The following MOV10L1 variants were observed in gnomAD, a reference collection of about 807,000 sequenced individuals.
The protein encoded by MOV10L1 is RNA helicase Mov10l1.
A neutral mutation model predicts 143.8 loss-of-function variants in MOV10L1; 110 were observed. The observed-to-expected ratio is 0.76, with a 90% CI of 0.66 to 0.90. The LOEUF is 0.90. Among genes scored for constraint, MOV10L1 ranks in the 40% least tolerant of loss-of-function variants. MOV10L1 has a pLI of 0.00. For missense variants in MOV10L1, 1,406 were observed against 1,526.8 expected, an observed-to-expected ratio of 0.92 and a Z score of 1.32; for synonymous variants, 593 against 581.1, an observed-to-expected ratio of 1.02 and a Z score of -0.29.
At chr22:50,123,832 T>C (rs145949525) in intron 10 of MOV10L1, among the ~76,000 whole-genome samples, 13 of 152,348 alleles carry the variant, frequency 8.5e-5, no homozygotes, top group African/African-American at 2.9e-4. Flanking sequence ...ACCTCCTTAG[T>C]AGTAATTGGT....
intron 17 of MOV10L1, 66 bp downstream of exon 17, chr22:50,143,287 A>G: frequency 1.3e-6 from 2 of 1,509,382 alleles, no homozygotes; most frequent in Non-Finnish European, 1.8e-6. Flanking sequence ...CTGTGTCTTC[A>G]GGAAGTGTGA....
At chr22:50,093,466 A>G (rs965108830) in intron 2 of MOV10L1, 1 of 151,990 alleles carries the variant, frequency 6.6e-6, no homozygotes, top group Non-Finnish European at 1.5e-5. Context: ...TCTTATTCCT[A>G]ATATTCAAAT....
At chr22:50,128,602 T>C in intron 13 of MOV10L1, 95 bp downstream of exon 13, 2 of 678,568 alleles carry the variant, frequency 2.9e-6, no homozygotes, top group South Asian at 3.4e-5. Flanking sequence ...TGGATTTCAG[T>C]GGCGCAATCT....
intron 19 of MOV10L1, chr22:50,146,859 G>T (rs910599615): frequency 1.1e-5 from 6 of 555,638 alleles, no homozygotes; most frequent in Middle Eastern, 3.5e-4. Context: ...AGTAGAACGT[G>T]ATTGATGAGA....
intron 9 of MOV10L1, among the ~76,000 whole-genome samples, chr22:50,118,724 G>T (rs1365460939): frequency 6.6e-6 from 1 of 152,224 alleles, no homozygotes; most frequent in Admixed American, 6.5e-5. Context: ...ACATGTGCCA[G>T]TTCGGAGGGA....
intron 12 of MOV10L1, 49 bp from the exon 13 acceptor site, chr22:50,128,367 A>T: frequency 1.9e-6 from 2 of 1,049,328 alleles, no homozygotes; most frequent in Non-Finnish European, 2.9e-6. Context: ...CTAGATAAAG[A>T]TATCACATTA....
At chr22:50,143,608 A>G (rs1187720437) in intron 17 of MOV10L1, among the ~76,000 whole-genome samples, 2 of 152,242 alleles carry the variant, frequency 1.3e-5, no homozygotes, top group African/African-American at 4.8e-5. Context: ...TTACAACCCA[A>G]TAACCCATCG....
chr22:50,130,469 A>C (rs1359916010), intron 13 of MOV10L1, among the ~76,000 whole-genome samples: 2 of 152,134 alleles, frequency 1.3e-5, no homozygotes, highest in Non-Finnish European at 2.9e-5. Flanking sequence ...GGGGGAATGG[A>C]GAAATGTCGT....
intron 11 of MOV10L1, among the ~76,000 whole-genome samples, chr22:50,125,891 C>T (rs1028493962): frequency 1.3e-5 from 2 of 151,844 alleles, no homozygotes; most frequent in African/African-American, 2.4e-5. Context: ...GGGTTCACGC[C>T]GTTCTCCTGC....
At position 50,099,466 on chromosome 22, in the gene MOV10L1, G is replaced by A; in HGVS notation, c.306G>A (p.Trp102Ter). The change falls in exon 3 of 27, where the codon TGG (tryptophan) becomes TGA (stop). Residue 102 changes from tryptophan to a stop codon, truncating the protein, a stop_gained. Coordinates refer to ENST00000262794, the MANE Select transcript of MOV10L1 (RefSeq NM_018995.3). LOFTEE classifies it high-confidence loss of function. ...AIRVEAVSDKWEDDSRNHGSP... is the reference protein window; with the variant it reads ...AIRVEAVSDK ...AGGTAGAAGCTGTCTCTGATAAGTG[G>A]GAAGACGACAGCAGAAACCATGGGA... is the stretch of plus-strand genomic sequence containing the variant. The A allele has an allele frequency of 6.2e-7, 1 of 1,614,088 alleles. No homozygotes were observed. The highest frequency in any genetic ancestry group is 8.5e-7 in the Non-Finnish European group (1 of 1,179,986).
rs537096278 is a variant in MOV10L1, at chr22:50,114,648, C to T, written c.1126+26C>T. The stretch of plus-strand genomic sequence containing the variant: ...GTAGTGGACGTTTCGGCTGTCACTG[C>T]GTGAGGTCGGGTGGGCTGGGGGCCG... On this transcript the variant is annotated intron_variant, in intron 7 of 26. Coordinates refer to ENST00000262794, the MANE Select transcript of MOV10L1 (RefSeq NM_018995.3). 1.1e-5 allele frequency: 17 copies of T among 1,610,102 alleles called. No homozygotes were observed. In the East Asian group the frequency reaches 1.8e-4, roughly 17 times the overall value.
At chr22:50,141,229 G>C (rs1250373779) in intron 15 of MOV10L1, among the ~76,000 whole-genome samples, 1 of 152,080 alleles carries the variant, frequency 6.6e-6, no homozygotes, top group African/African-American at 2.4e-5. Flanking sequence ...GTAAAGACAG[G>C]GTTTCACCAT....
intron 22 of MOV10L1, among the ~76,000 whole-genome samples, chr22:50,155,260 T>G (rs2063395257): frequency 1.5e-5 from 2 of 136,154 alleles, no homozygotes; most frequent in Non-Finnish European, 3.2e-5. Flanking sequence ...GGTTGTTTTG[T>G]GGGTTTTTTT....
intron 26 of MOV10L1, 84 bp from the exon 27 acceptor site, chr22:50,161,284 A>G: frequency 8.2e-7 from 1 of 1,220,990 alleles, no homozygotes; most frequent in African/African-American, 1.5e-5. Context: ...TCCCCTTGTA[A>G]AACCCACATT....
chr22:50,152,279 T>C lies in MOV10L1; in HGVS notation c.2893-766T>C, dbSNP rs2063321069. Among the ~76,000 whole-genome samples the C allele has an allele frequency of 6.6e-6, 1 of 152,184 alleles. No individual in the cohort carries two copies. Among genetic ancestry groups the C allele is most frequent in the South Asian group, 2.1e-4 (1 of 4,830 alleles). On this transcript the variant is annotated intron_variant, in intron 21 of 26. Transcript: ENST00000262794. This position sits in a 1 kb window ranked among gnomAD's most constrained non-coding sequence, Gnocchi z 4.4. ...TGACAGGAGGGCAGAGGGTGCAGCA[T>C]TGCATAGAGAGGACGGCTCCCCGCG...
intron 18 of MOV10L1, among the ~76,000 whole-genome samples, chr22:50,144,965 G>A (rs1399894679): frequency 1.3e-5 from 2 of 151,344 alleles, no homozygotes; most frequent in African/African-American, 4.9e-5. Context: ...GTTTGAGACA[G>A]AGTTTTTGCT....
rs113945093 is a variant in MOV10L1, at chr22:50,128,712, T to C, written c.1910+205T>C. Among the ~76,000 whole-genome samples, 782 of 151,938 alleles carry C rather than the reference T, an allele frequency of 5.1e-3. 8 individuals carry two copies. Among genetic ancestry groups the C allele is most frequent in the African/African-American group, 0.018 (738 of 41,414 alleles). ...GGTGCCTGCCACCACGCCTGGCTAA[T>C]TTTTGTATTTTTAGTAGAGGCAGTG... On this transcript the variant is annotated intron_variant, in intron 13 of 26. Coordinates refer to ENST00000262794, the MANE Select transcript of MOV10L1 (RefSeq NM_018995.3).
intron 19 of MOV10L1, chr22:50,146,875 T>C (rs1198360953): frequency 6.8e-6 from 4 of 586,098 alleles, no homozygotes; most frequent in East Asian, 5.8e-5. Context: ...TGAGACACTT[T>C]ACATTTTTTT....
At chr22:50,140,357 G>C (rs2062944850) in intron 15 of MOV10L1, among the ~76,000 whole-genome samples, 1 of 152,162 alleles carries the variant, frequency 6.6e-6, no homozygotes. Context: ...CGTCAGACTT[G>C]TCAAGTCACA....
Sources: gnomAD v4.1 joint callset for allele counts (sites outside exome capture counted in the v4.1 genomes callset) on GRCh38, gnomAD v4.1.1 for gene constraint, Gnocchi (gnomAD v3.1) non-coding constraint, MANE v1.5 for transcripts, NCBI Gene and HGNC (gene_info 2026-07-23, HGNC 2026-07-21) for gene names.